Variants in VAV2 observed in about 807,000 individuals in gnomAD.
VAV2 encodes vav guanine nucleotide exchange factor 2, also known as guanine nucleotide exchange factor VAV2.
VAV2 carries 67 observed loss-of-function variants against 132.5 expected under a neutral mutation model. The observed-to-expected ratio is 0.51, with a 90% CI of 0.42 to 0.62. VAV2 has a LOEUF of 0.62. Among genes scored for constraint, VAV2 ranks in the 20% least tolerant of loss-of-function variants. The pLI is 0.00. For missense variants in VAV2, 938 were observed against 1,153.6 expected, an observed-to-expected ratio of 0.81 and a Z score of 2.71; for synonymous variants, 492 against 443.5, an observed-to-expected ratio of 1.11 and a Z score of -1.37.
chr9:133,992,212 C>G lies in VAV2; in HGVS notation c.67G>C (p.Val23Leu). The G allele has an allele frequency of 1.9e-6, 3 of 1,596,748 alleles. No homozygotes were observed. The highest frequency in any genetic ancestry group is 2.6e-6 in the Non-Finnish European group (3 of 1,172,054). ...DCKVLPPNHR[V>L]VWPSAVVFDL... ...AAGACCACGGCCGAGGGCCACACCA[C>G]CCGGTGGTTGGGCGGCAGGACCTTG... is the stretch of plus-strand genomic sequence containing the variant. The change falls in exon 1 of 30, where the codon GTG (valine) becomes CTG (leucine). Residue 23 changes from valine (V) to leucine (L), a missense_variant. Val to Leu is a conservative substitution (Grantham distance 32, BLOSUM62 1). Transcript: ENST00000371850. The surrounding 1 kb of genome is among the most constrained non-coding windows in gnomAD (Gnocchi z 5.5).
At position 133,918,937 on chromosome 9, in the gene VAV2, G is replaced by A. The variant is rs1402828152; in HGVS notation, c.321+20166C>T. Reference sequence around the variant, plus strand: ...ATTACAGGCGTGCACCACCACACCAGGCTAATTTTGTATTTTTAGTAGAGA... The same window carrying A: ...ATTACAGGCGTGCACCACCACACCAAGCTAATTTTGTATTTTTAGTAGAGA... On this transcript the variant is annotated intron_variant, in intron 2 of 29. Transcript: ENST00000371850. This position sits in a 1 kb window ranked among gnomAD's most constrained non-coding sequence, Gnocchi z 4.7. 2.6e-5 allele frequency among the ~76,000 whole-genome samples: 4 copies of A among 152,146 alleles called. No individual in the cohort carries two copies. The East Asian group carries it at 7.7e-4, about 29-fold the overall frequency.
chr9:133,903,658 A>G (rs1336462584), intron 2 of VAV2, among the ~76,000 whole-genome samples: 2 of 152,202 alleles, frequency 1.3e-5, no homozygotes, highest in African/African-American at 4.8e-5. Context: ...TGAACCATAA[A>G]GAAATTTAGC....
At position 133,879,262 on chromosome 9, in the gene VAV2, G is replaced by A. The variant is rs1000171382; in HGVS notation, c.322-17830C>T. ...GCAATACACTTTGAGCAGCTGCTGC[G>A]TACCAAGCACTGTGCTAGGGTGACC... is the stretch of plus-strand genomic sequence containing the variant. On this transcript the variant is annotated intron_variant, in intron 2 of 29. Coordinates refer to ENST00000371850, the MANE Select transcript of VAV2 (RefSeq NM_001134398.2). The surrounding 1 kb of genome is among the most constrained non-coding windows in gnomAD (Gnocchi z 4.4). Among the ~76,000 whole-genome samples, 3 of 152,144 alleles carry A rather than the reference G, an allele frequency of 2.0e-5. No homozygotes were observed. Among genetic ancestry groups the A allele is most frequent in the Non-Finnish European group, 4.4e-5 (3 of 68,036 alleles).
chr9:133,825,284 C>T (rs74834392), intron 4 of VAV2, among the ~76,000 whole-genome samples: 5,304 of 152,146 alleles, frequency 0.035, 319 homozygotes, highest in African/African-American at 0.12. Context: ...AGTCTCCCCT[C>T]CATCCCCACA....
At chr9:133,829,881 T>C (rs1221172655) in intron 4 of VAV2, among the ~76,000 whole-genome samples, 1 of 152,156 alleles carries the variant, frequency 6.6e-6, no homozygotes, top group Non-Finnish European at 1.5e-5. Context: ...GCCCTGAAAC[T>C]GTCCTTCGGC....
rs1019250732 is a variant in VAV2 at position 133,791,855 on chromosome 9, G to A, written c.1116C>T (p.Tyr372=). ...ALEAMQDLAM[Y]INEVKRDKET... is the part of the protein sequence containing the mutation. ...CCTTGTCCCGTTTAACTTCATTGATGTACATCGCCAAGTCCTTGAAAACAA... is the reference window on the plus strand; with the variant it reads ...CCTTGTCCCGTTTAACTTCATTGATATACATCGCCAAGTCCTTGAAAACAA... Residue 372 remains tyrosine (Y), a synonymous_variant, in exon 13 of 30, where the codon TAC becomes TAT. Transcript: ENST00000371850. The A allele has an allele frequency of 2.0e-5, 33 of 1,614,008 alleles. No homozygotes were observed. The highest frequency in any genetic ancestry group is 2.2e-5 in the East Asian group (1 of 44,904).
At chr9:133,987,128 C>T (rs917551301) in intron 1 of VAV2, among the ~76,000 whole-genome samples, 1 of 152,134 alleles carries the variant, frequency 6.6e-6, no homozygotes, top group African/African-American at 2.4e-5. Flanking sequence ...CTTGGAGGGG[C>T]TCAGACCTGG....
At chr9:133,846,374 C>T (rs1836935985) in intron 3 of VAV2, among the ~76,000 whole-genome samples, 1 of 152,226 alleles carries the variant, frequency 6.6e-6, no homozygotes, top group Non-Finnish European at 1.5e-5. Context: ...GACCCACAAC[C>T]CTCCGCCACT....
intron 3 of VAV2, among the ~76,000 whole-genome samples, chr9:133,842,939 G>T (rs1011447340): frequency 2.0e-5 from 3 of 152,246 alleles, no homozygotes; most frequent in Admixed American, 6.5e-5. Context: ...TAATTATTGA[G>T]GGAGTCACCT....
intron 2 of VAV2, among the ~76,000 whole-genome samples, chr9:133,921,949 C>T (rs894403291): frequency 2.0e-5 from 3 of 152,262 alleles, no homozygotes; most frequent in Admixed American, 2.0e-4. Context: ...GGGCAGTAGT[C>T]AGCCTGCTTG....
At chr9:133,976,068 G>A (rs803499) in intron 1 of VAV2, among the ~76,000 whole-genome samples, 22,362 of 151,814 alleles carry the variant, frequency 0.15, 1,680 homozygotes, top group Non-Finnish European at 0.16. Context: ...TTAGCCAGGC[G>A]TGGTGGTGGG....
intron 2 of VAV2, among the ~76,000 whole-genome samples, chr9:133,929,400 G>A (rs1840596065): frequency 6.6e-6 from 1 of 152,166 alleles, no homozygotes; most frequent in Non-Finnish European, 1.5e-5. Context: ...GTGACTGCCA[G>A]GTGCTAGGGT....
chr9:133,825,318 G>A (rs999828433), intron 4 of VAV2, among the ~76,000 whole-genome samples: 1 of 152,160 alleles, frequency 6.6e-6, no homozygotes, highest in Non-Finnish European at 1.5e-5. Flanking sequence ...ACCAGGGAGG[G>A]ACGGGGGGAT....
At position 133,806,223 on chromosome 9, in the gene VAV2, C is replaced by G. The variant is rs908965055; in HGVS notation, c.736-42G>C. 3.8e-6 allele frequency: 6 copies of G among 1,583,306 alleles called. No homozygotes were observed. The African/African-American group carries it at 6.8e-5, about 18-fold the overall frequency. ...CCGTGAGTGCCTGGCCAGGCCCACC[C>G]AAGGCTAGACGGGAGCGCCGCCCTT... On this transcript the variant is annotated intron_variant, in intron 8 of 29. Coordinates refer to ENST00000371850, the MANE Select transcript of VAV2 (RefSeq NM_001134398.2).
chr9:133,793,558 A>C (rs2075934273), intron 12 of VAV2, among the ~76,000 whole-genome samples: 1 of 151,932 alleles, frequency 6.6e-6, no homozygotes, highest in South Asian at 2.1e-4. Flanking sequence ...GGAGCTCAGG[A>C]CCACCCCCCT....
intron 2 of VAV2, among the ~76,000 whole-genome samples, chr9:133,904,955 G>C (rs560314300): frequency 1.3e-5 from 2 of 152,368 alleles, no homozygotes; most frequent in Admixed American, 1.3e-4. Flanking sequence ...GCCCTGGCAG[G>C]GAGGGGATGC....
In VAV2 at chr9:133,827,204, T is replaced by TGG. The variant is rs1564383951; in HGVS notation, c.449+7066_449+7067dup. 1.7e-3 allele frequency among the ~76,000 whole-genome samples: 122 copies of TGG among 70,748 alleles called. 1 individual carries two copies. The highest frequency in any genetic ancestry group is 9.3e-3 in the Middle Eastern group (1 of 108). 46.4% of individuals were successfully genotyped at this position (70,748 alleles called of 152,430 possible). On this transcript the variant is annotated intron_variant, in intron 4 of 29. Transcript: ENST00000371850. ...GCCCACTGGGGCTGACCACTGAGCATGGGCATCGCCAGCTACTGCTGTGCC... is the reference window on the plus strand; with the variant it reads ...GCCCACTGGGGCTGACCACTGAGCATGGGGGCATCGCCAGCTACTGCTGTGCC...
At chr9:133,901,169 T>C (rs148106900) in intron 2 of VAV2, among the ~76,000 whole-genome samples, 126 of 152,242 alleles carry the variant, frequency 8.3e-4, no homozygotes, top group African/African-American at 2.7e-3. Flanking sequence ...TCAACTGATA[T>C]TGAAAACCAT....
intron 2 of VAV2, among the ~76,000 whole-genome samples, chr9:133,911,304 C>T (rs571330879): frequency 1.3e-5 from 2 of 152,318 alleles, no homozygotes; most frequent in East Asian, 3.9e-4. Flanking sequence ...AAGAGAGAAA[C>T]GCCGTGTCTG....
Sources: gnomAD v4.1 joint callset for allele counts (sites outside exome capture counted in the v4.1 genomes callset) on GRCh38, gnomAD v4.1.1 for gene constraint, Gnocchi (gnomAD v3.1) non-coding constraint, MANE v1.5 for transcripts, NCBI Gene and HGNC (gene_info 2026-07-23, HGNC 2026-07-21) for gene names.